The following DIAPH3 variants were observed in gnomAD, a reference collection of about 807,000 sequenced individuals.
DIAPH3 encodes the protein protein diaphanous homolog 3.
Under a neutral mutation model 144.3 loss-of-function variants are expected in DIAPH3, and 117 were observed. That is an observed-to-expected ratio of 0.81 (90% CI 0.70 to 0.95). The LOEUF is 0.95. Ranked by LOEUF, DIAPH3 falls within the 40% of genes least tolerant of loss-of-function variation. DIAPH3 has a pLI of 0.00. For synonymous variants in DIAPH3, 519 were observed against 488.9 expected (o/e 1.06, Z -0.81); for missense variants, 1,421 against 1,412.7 (o/e 1.01, Z -0.09).
At chr13:60,134,038 T>A (rs1049782969) in intron 1 of DIAPH3, among the ~76,000 whole-genome samples, 26 of 152,234 alleles carry the variant, frequency 1.7e-4, no homozygotes, top group Non-Finnish European at 2.9e-4. Context: ...TCAGTGATGA[T>A]CCAGATTAAA....
chr13:59,810,784 T>G lies in DIAPH3; in HGVS notation c.3163+4A>C, dbSNP rs1028456234. 1 of 1,613,084 alleles carries G rather than the reference T, an allele frequency of 6.2e-7. No homozygotes were observed. The highest frequency in any genetic ancestry group is 8.5e-7 in the Non-Finnish European group (1 of 1,179,762). ...GAATAAATAACAAATTTGATAGTAC[T>G]CACCAGTCTTCATTTCTAATAAACG... is the stretch of plus-strand genomic sequence containing the variant. On this transcript the variant is annotated splice_donor_region_variant and intron_variant, in intron 25 of 27. Transcript: ENST00000400324.
chr13:59,875,623 T>C (rs1267981451), intron 21 of DIAPH3, among the ~76,000 whole-genome samples: 1 of 152,182 alleles, frequency 6.6e-6, no homozygotes, highest in African/African-American at 2.4e-5. Context: ...AAATTTCTTA[T>C]GAAGGTTTAA....
chr13:59,703,591 A>G (rs2034240046), intron 27 of DIAPH3, among the ~76,000 whole-genome samples: 1 of 152,222 alleles, frequency 6.6e-6, no homozygotes, highest in South Asian at 2.1e-4. Flanking sequence ...TAGAATTTCC[A>G]TTAGATTCTT....
intron 27 of DIAPH3, among the ~76,000 whole-genome samples, chr13:59,691,891 A>G (rs921997762): frequency 7.9e-5 from 12 of 152,160 alleles, no homozygotes; most frequent in African/African-American, 2.4e-4. Flanking sequence ...CTTTGTAAAC[A>G]TTAGTTAAAA....
At chr13:60,063,799 C>T (rs772898011) in intron 4 of DIAPH3, among the ~76,000 whole-genome samples, 11 of 151,906 alleles carry the variant, frequency 7.2e-5, no homozygotes, top group Non-Finnish European at 7.4e-5. Context: ...CATGGTGGCA[C>T]GCACCTGTGA....
At chr13:59,979,959 T>C (rs998023934) in intron 14 of DIAPH3, among the ~76,000 whole-genome samples, 1 of 151,678 alleles carries the variant, frequency 6.6e-6, no homozygotes, top group African/African-American at 2.4e-5. Flanking sequence ...AGGTACTTGC[T>C]AAGCCAGAGA....
intron 27 of DIAPH3, among the ~76,000 whole-genome samples, chr13:59,740,706 C>A (rs2036398321): frequency 6.6e-6 from 1 of 152,068 alleles, no homozygotes; most frequent in South Asian, 2.1e-4. Context: ...GTACCGCAAG[C>A]TGGAATTAGG....
intron 27 of DIAPH3, among the ~76,000 whole-genome samples, chr13:59,702,376 G>T (rs1174950128): frequency 1.3e-5 from 2 of 152,156 alleles, no homozygotes; most frequent in African/African-American, 4.8e-5. Flanking sequence ...AACAAAATGT[G>T]AGAAATCTGA....
intron 4 of DIAPH3, among the ~76,000 whole-genome samples, chr13:60,082,183 A>C (rs2057581132): frequency 6.6e-6 from 1 of 151,992 alleles, no homozygotes; most frequent in African/African-American, 2.4e-5. Flanking sequence ...TCAGAAATAA[A>C]AACTAACAAG....
chr13:60,029,063 A>AG (rs1320251116), intron 5 of DIAPH3, among the ~76,000 whole-genome samples: 1 of 150,664 alleles, frequency 6.6e-6, no homozygotes, highest in African/African-American at 2.4e-5. Flanking sequence ...GTCTCAAAAA[A>AG]AAAAGGGGGG....
chr13:59,850,598 C>T (rs911012603), intron 22 of DIAPH3, among the ~76,000 whole-genome samples: 1 of 150,602 alleles, frequency 6.6e-6, no homozygotes, highest in Admixed American at 6.6e-5. Context: ...TTGTCTTTGG[C>T]TCTGTTTATA....
Position 59,977,313 on chromosome 13 carries a change from T to C in DIAPH3, c.1546-2857A>G, listed in dbSNP as rs533829665. ...CAAAGTCTGAAAAACTTACTAGCAT[T>C]TCAGCGTGTGGATGAATGACAAGCA... On this transcript the variant is annotated intron_variant, in intron 14 of 27. Coordinates refer to ENST00000400324, the MANE Select transcript of DIAPH3 (RefSeq NM_001042517.2). Among the ~76,000 whole-genome samples the C allele has an allele frequency of 1.4e-4, 21 of 151,898 alleles. No homozygotes were observed. In the South Asian group the frequency reaches 4.4e-3, roughly 32 times the overall value.
chr13:59,983,416 C>T (rs1336389129), intron 13 of DIAPH3, among the ~76,000 whole-genome samples: 2 of 151,386 alleles, frequency 1.3e-5, no homozygotes, highest in Non-Finnish European at 3.0e-5. Context: ...AAGGGTCAGG[C>T]TTTAATAAAG....
chr13:59,920,173 C>G (rs1373948660), intron 18 of DIAPH3, among the ~76,000 whole-genome samples: 1 of 151,798 alleles, frequency 6.6e-6, no homozygotes, highest in Middle Eastern at 3.2e-3. Context: ...AAACAATCAA[C>G]AAAACGGTAG....
chr13:60,111,436 A>G (rs903061415), intron 3 of DIAPH3, among the ~76,000 whole-genome samples: 6 of 152,222 alleles, frequency 3.9e-5, no homozygotes, highest in African/African-American at 1.2e-4. Flanking sequence ...CAGACCACTT[A>G]GATCAGGGGT....
chr13:59,891,096 A>T (rs75212271), intron 20 of DIAPH3, among the ~76,000 whole-genome samples: 5,140 of 151,994 alleles, frequency 0.034, 111 homozygotes, highest in Non-Finnish European at 0.049. Flanking sequence ...ATAGTCTTAC[A>T]AGAGTATAGG....
chr13:60,037,657 A>G (rs1431391696), intron 5 of DIAPH3, among the ~76,000 whole-genome samples: 1 of 152,038 alleles, frequency 6.6e-6, no homozygotes, highest in East Asian at 1.9e-4. Context: ...GAAGAAGCAG[A>G]AAGAAGAAAT....
chr13:59,882,544 T>C (rs1294497360), intron 20 of DIAPH3, among the ~76,000 whole-genome samples: 1 of 152,206 alleles, frequency 6.6e-6, no homozygotes, highest in Non-Finnish European at 1.5e-5. Context: ...GGGATTTGCA[T>C]TCTGTTTTCC....
At chr13:59,877,915 T>G (rs776755379) in intron 21 of DIAPH3, among the ~76,000 whole-genome samples, 6 of 152,058 alleles carry the variant, frequency 3.9e-5, no homozygotes, top group Non-Finnish European at 7.4e-5. Flanking sequence ...TCCTTCAAGA[T>G]CCAGCTTAAA....
Sources: gnomAD v4.1 joint callset for allele counts (sites outside exome capture counted in the v4.1 genomes callset) on GRCh38, gnomAD v4.1.1 for gene constraint, MANE v1.5 for transcripts, NCBI Gene and HGNC (gene_info 2026-07-23, HGNC 2026-07-21) for gene names.